The following TNIP3 variants were observed in gnomAD, a reference collection of about 807,000 sequenced individuals.
TNIP3 encodes TNFAIP3-interacting protein 3.
A neutral mutation model predicts 54.1 loss-of-function variants in TNIP3; 34 were observed. The ratio of observed to expected loss-of-function variants is 0.63; its 90% CI spans 0.48 to 0.84. TNIP3 has a LOEUF of 0.84. Among genes scored for constraint, TNIP3 ranks in the 40% least tolerant of loss-of-function variants. TNIP3 has a pLI of 0.00. For synonymous variants in TNIP3, 134 were observed against 136.8 expected (o/e 0.98, Z 0.14); for missense variants, 366 against 387.6 (o/e 0.94, Z 0.47).
chr4:121,218,919 G>GCC (rs947435568), upstream of TNIP3, among the ~76,000 whole-genome samples: 4 of 152,144 alleles, frequency 2.6e-5, no homozygotes, highest in African/African-American at 9.7e-5. Flanking sequence ...CACAGAAGTG[G>GCC]CCAGCCATGG....
chr4:121,147,058 C>A lies in TNIP3; in HGVS notation c.726G>T (p.Leu242=), dbSNP rs747052684. 1.9e-6 allele frequency: 3 copies of A among 1,611,264 alleles called. No individual in the cohort carries two copies. Among genetic ancestry groups the A allele is most frequent in the Non-Finnish European group, 2.5e-6 (3 of 1,178,698 alleles). The change falls in exon 7 of 11, where the codon CTG becomes CTT. Residue 242 remains leucine, a synonymous_variant. Transcript: ENST00000057513. ...TTGTTTTGACTTGTACCTGGGAATTCAGCCTGTTCAACTGGGATTGGGAAG... is the reference window on the plus strand; with the variant it reads ...TTGTTTTGACTTGTACCTGGGAATTAAGCCTGTTCAACTGGGATTGGGAAG... ...NETSQSQLNR[L]NSQIKACQME... is the part of the protein sequence containing the mutation.
At chr4:121,167,826 C>T (rs913145972), upstream of TNIP3, among the ~76,000 whole-genome samples, 22 of 152,108 alleles carry the variant, frequency 1.4e-4, no homozygotes, top group African/African-American at 4.3e-4. Flanking sequence ...ACTCAGTTCA[C>T]CAGGGGCACT....
intron 2 of TNIP3, among the ~76,000 whole-genome samples, chr4:121,203,165 T>G (rs1725984805): frequency 6.6e-6 from 1 of 151,598 alleles, no homozygotes; most frequent in Non-Finnish European, 1.5e-5. Context: ...TGCAAAAATA[T>G]GAAACCAGCC....
chr4:121,148,768 T>A (rs1329869960), intron 6 of TNIP3, among the ~76,000 whole-genome samples: 1 of 152,212 alleles, frequency 6.6e-6, no homozygotes, highest in African/African-American at 2.4e-5. Context: ...AACAATAAAG[T>A]AAATAGCAAC....
intron 2 of TNIP3, among the ~76,000 whole-genome samples, chr4:121,190,969 A>G (rs1725278218): frequency 6.6e-6 from 1 of 152,176 alleles, no homozygotes. Flanking sequence ...TCTCACTACC[A>G]TTTATTCCAA....
In TNIP3 at chr4:121,132,488, A is replaced by T; in HGVS notation, c.*143T>A. On this transcript the variant is annotated 3_prime_UTR_variant, in exon 11 of 11. Transcript: ENST00000057513. The stretch of plus-strand genomic sequence containing the variant: ...GTCAGAAGCCTTTTCCTGTATTCAT[A>T]CCAAAGGAAAACATGACCAGGCACA... The T allele has an allele frequency of 1.4e-6, 1 of 736,080 alleles. No individual in the cohort carries two copies. The highest frequency in any genetic ancestry group is 2.3e-6 in the Non-Finnish European group (1 of 444,430). 45.6% of individuals were successfully genotyped at this position (736,080 alleles called of 1,614,324 possible).
At position 121,148,611 on chromosome 4, in the gene TNIP3, G is replaced by A. The variant is rs565321396; in HGVS notation, c.610-1437C>T. ...TGTGCATATTACCCTTATTCTCTTC[G>A]TCGGTTTATTTTTCAGCTATGTATT... On this transcript the variant is annotated intron_variant, in intron 6 of 10. Transcript: ENST00000057513. Among the ~76,000 whole-genome samples, 86 of 152,236 alleles carry A rather than the reference G, an allele frequency of 5.6e-4. 1 individual carries two copies. The highest frequency in any genetic ancestry group is 3.4e-3 in the Middle Eastern group (1 of 294).
intron 5 of TNIP3, among the ~76,000 whole-genome samples, 176 bp from the exon 6 acceptor site, chr4:121,150,395 T>C (rs1241222613): frequency 6.6e-6 from 1 of 152,208 alleles, no homozygotes; most frequent in African/African-American, 2.4e-5. Flanking sequence ...ATTTTTTTTT[T>C]CAGAATCTCT....
intron 2 of TNIP3, among the ~76,000 whole-genome samples, chr4:121,211,867 C>T (rs1207135571): frequency 6.6e-6 from 1 of 152,180 alleles, no homozygotes; most frequent in Non-Finnish European, 1.5e-5. Flanking sequence ...TTGTCTGTGG[C>T]CTGCCTGGGG....
upstream of TNIP3, among the ~76,000 whole-genome samples, chr4:121,167,252 G>T (rs1216908228): frequency 1.3e-5 from 2 of 151,988 alleles, no homozygotes; most frequent in African/African-American, 4.8e-5. Context: ...TGTGTGTGTG[G>T]CTGTGTGTAT....
intron 7 of TNIP3, among the ~76,000 whole-genome samples, chr4:121,145,928 G>A (rs1729402073): frequency 6.6e-6 from 1 of 150,984 alleles, no homozygotes; most frequent in African/African-American, 2.4e-5. Context: ...GGTGAGCCGA[G>A]ATCATGCCAT....
chr4:121,227,444 G>A (rs896840517), exon 1 of TNIP3: 22 of 1,457,166 alleles, frequency 1.5e-5, no homozygotes, highest in South Asian at 6.3e-5. Context: ...GGTCTAATAC[G>A]GAGACCTGTC....
chr4:121,196,420 CG>C (rs1362427595), intron 2 of TNIP3, among the ~76,000 whole-genome samples: 1 of 151,564 alleles, frequency 6.6e-6, no homozygotes, highest in Non-Finnish European at 1.5e-5. Flanking sequence ...AATAAATCGA[CG>C]AATATAATAT....
intron 3 of TNIP3, among the ~76,000 whole-genome samples, chr4:121,178,035 AGAG>A (rs1724462939): frequency 6.6e-6 from 1 of 152,194 alleles, no homozygotes; most frequent in Non-Finnish European, 1.5e-5. Context: ...TTTAGCTCAA[AGAG>A]GAGGAGTTAG....
intron 1 of TNIP3, among the ~76,000 whole-genome samples, chr4:121,223,367 CA>C (rs1283833790): frequency 1.3e-5 from 2 of 152,234 alleles, no homozygotes; most frequent in Non-Finnish European, 2.9e-5. Flanking sequence ...TGCAGTTTAG[CA>C]AGCAATGACC....
At chr4:121,165,648 T>C (rs1397541500), upstream of TNIP3, among the ~76,000 whole-genome samples, 1 of 146,664 alleles carries the variant, frequency 6.8e-6, no homozygotes, top group Non-Finnish European at 1.5e-5. Context: ...ATCGATGAAC[T>C]TTTTGCTAGT....
chr4:121,163,426 C>T (rs185567948), intron 1 of TNIP3, among the ~76,000 whole-genome samples: 52 of 152,302 alleles, frequency 3.4e-4, no homozygotes, highest in African/African-American at 1.2e-3. Flanking sequence ...GGGCTGCTTA[C>T]GGAACAGTTA....
intron 3 of TNIP3, among the ~76,000 whole-genome samples, chr4:121,179,088 G>A (rs1171944892): frequency 6.6e-6 from 1 of 152,208 alleles, no homozygotes; most frequent in African/African-American, 2.4e-5. Flanking sequence ...TTCATCAAAT[G>A]GGCAAAGAAG....
At chr4:121,132,752 TG>T in intron 10 of TNIP3, 90 bp from the exon 11 acceptor site, 1 of 1,095,684 alleles carries the variant, frequency 9.1e-7, no homozygotes, top group Admixed American at 2.4e-5. Context: ...AGTTCCAGGA[TG>T]GCAAAAAAAA....
Sources: gnomAD v4.1 joint callset for allele counts (sites outside exome capture counted in the v4.1 genomes callset) on GRCh38, gnomAD v4.1.1 for gene constraint, MANE v1.5 for transcripts, NCBI Gene and HGNC (gene_info 2026-07-23, HGNC 2026-07-21) for gene names.